PHRF1: variants seen among roughly 807,000 people sequenced by gnomAD.
PHRF1 encodes PHD and ring finger domains 1, also known as PHD and RING finger domain-containing protein 1.
Under a neutral mutation model 128.9 loss-of-function variants are expected in PHRF1, and 53 were observed. The ratio of observed to expected loss-of-function variants is 0.41; its 90% CI spans 0.33 to 0.52. PHRF1 has a LOEUF of 0.52. Ranked by LOEUF, PHRF1 falls within the 20% of genes least tolerant of loss-of-function variation. The pLI is 0.21. For synonymous variants in PHRF1, 1,178 were observed against 980.6 expected (o/e 1.20, Z -3.76); for missense variants, 2,503 against 2,284.5 (o/e 1.10, Z -1.95).
rs564941253 is a variant in PHRF1, at chr11:609,701, C to T, written c.4245C>T (p.Pro1415=). ...WNLQESESSA[P]AEDRAPRAPL... is the part of the protein sequence containing the mutation. ...TGCAGGAGTCGGAGAGCAGCGCCCCCGCCGAGGACAGAGCCCCCCGTGAGT... is the reference window on the plus strand; with the variant it reads ...TGCAGGAGTCGGAGAGCAGCGCCCCTGCCGAGGACAGAGCCCCCCGTGAGT... The change falls in exon 14 of 18, where the codon CCC becomes CCT. Residue 1415 remains proline (P), a synonymous_variant. Transcript: ENST00000264555. 64 of 1,503,878 alleles carry T rather than the reference C, an allele frequency of 4.3e-5. No individual in the cohort carries two copies. Among genetic ancestry groups the T allele is most frequent in the African/African-American group, 2.9e-4 (21 of 72,254 alleles). 93.2% of individuals were successfully genotyped at this position (1,503,878 alleles called of 1,614,324 possible).
intron 1 of PHRF1, among the ~76,000 whole-genome samples, chr11:577,312 C>T (rs996764729): frequency 2.0e-5 from 3 of 152,244 alleles, no homozygotes; most frequent in Non-Finnish European, 4.4e-5. Context: ...TTTGACGGGG[C>T]TTGTGTTGCC....
rs1441589498 is a variant in PHRF1 at position 611,901 on chromosome 11, G to A, written c.*124G>A. 3 of 1,427,008 alleles carry A rather than the reference G, an allele frequency of 2.1e-6. No individual in the cohort carries two copies. Among genetic ancestry groups the A allele is most frequent in the Non-Finnish European group, 2.8e-6 (3 of 1,077,662 alleles). The allele number at this position is 1,427,008 out of a possible 1,614,324, so 88.4% of individuals were successfully genotyped here. ...TGCCCGGGGAGCTGTCGGGAGTGGC[G>A]GGAAATGGGGGGCATCACCATGCCT... On this transcript the variant is annotated 3_prime_UTR_variant, in exon 18 of 18. Coordinates refer to ENST00000264555, the MANE Select transcript of PHRF1 (RefSeq NM_001286581.2).
chr11:602,586 A>G (rs1855688725), intron 10 of PHRF1, among the ~76,000 whole-genome samples: 1 of 151,754 alleles, frequency 6.6e-6, no homozygotes, highest in Non-Finnish European at 1.5e-5. Flanking sequence ...AGGCTGAGGC[A>G]GGAGAATCAC....
At chr11:599,710 C>T (rs1037347853) in intron 9 of PHRF1, among the ~76,000 whole-genome samples, 1 of 152,136 alleles carries the variant, frequency 6.6e-6, no homozygotes, top group Non-Finnish European at 1.5e-5. Flanking sequence ...CACTGTGTGT[C>T]GGTCGTGCTG....
intron 13 of PHRF1, 76 bp downstream of exon 13, chr11:606,672 T>G: frequency 6.7e-7 from 1 of 1,494,850 alleles, no homozygotes; most frequent in Non-Finnish European, 8.9e-7. Context: ...ACTCAGCCCA[T>G]GTCTCAGTCA....
At chr11:610,438 C>G in intron 15 of PHRF1, 63 bp from the exon 16 acceptor site, 2 of 1,557,812 alleles carry the variant, frequency 1.3e-6, no homozygotes, top group South Asian at 1.2e-5. Flanking sequence ...TGAGGCCTCA[C>G]AGCTCCTGGG....
chr11:593,221 C>T (rs904203149), intron 6 of PHRF1, among the ~76,000 whole-genome samples: 7 of 152,242 alleles, frequency 4.6e-5, no homozygotes, highest in Non-Finnish European at 8.8e-5. Context: ...AAGCAGATGC[C>T]CCCTTCCCCG....
chr11:587,372 A>G lies in PHRF1; in HGVS notation c.328A>G (p.Ile110Val), dbSNP rs151190592. 639 of 1,613,870 alleles carry G rather than the reference A, an allele frequency of 4.0e-4. 8 individuals are homozygous for G. In the East Asian group the frequency reaches 0.011, roughly 28 times the overall value. The change falls in exon 4 of 18, where the codon ATC becomes GTC. Residue 110 changes from isoleucine (I) to valine (V), a missense_variant. Ile to Val is a conservative substitution (Grantham distance 29). Coordinates refer to ENST00000264555, the MANE Select transcript of PHRF1 (RefSeq NM_001286581.2). ...NSDDDAESCP[I>V]CLNAFRDQAV... ...TGATGATGATGCAGAGAGCTGCCCAATCTGTCTCAACGCATTCAGAGACCA... is the reference window on the plus strand; with the variant it reads ...TGATGATGATGCAGAGAGCTGCCCAGTCTGTCTCAACGCATTCAGAGACCA...
intron 6 of PHRF1, among the ~76,000 whole-genome samples, chr11:594,302 G>A (rs938190347): frequency 3.9e-5 from 6 of 152,242 alleles, no homozygotes; most frequent in Non-Finnish European, 5.9e-5. Flanking sequence ...CACAGGCACC[G>A]TCTTGGGCAA....
At chr11:583,200 G>A (rs1480330162) in intron 3 of PHRF1, among the ~76,000 whole-genome samples, 2 of 151,878 alleles carry the variant, frequency 1.3e-5, no homozygotes, top group Admixed American at 6.6e-5. Flanking sequence ...TTAGCCAGTC[G>A]TGTTGGCACG....
chr11:612,071 G>A lies in PHRF1; in HGVS notation c.*294G>A. On this transcript the variant is annotated 3_prime_UTR_variant, in exon 18 of 18. Transcript: ENST00000264555. ...GATTATCTTTAGAAACCTCTTGATT[G>A]ACTTACTACTTGGAAGATAAAGCAC... is the stretch of plus-strand genomic sequence containing the variant. The A allele has an allele frequency of 2.2e-6, 1 of 449,230 alleles. No individual in the cohort carries two copies. Among genetic ancestry groups the A allele is most frequent in the Admixed American group, 4.0e-5 (1 of 25,216 alleles). The allele number at this position is 449,230 out of a possible 1,614,324, so 27.8% of individuals were successfully genotyped here.
Position 606,843 on chromosome 11 carries a change from TTAATA to T in PHRF1, c.1610-221_1610-217del, listed in dbSNP as rs1364310779. ...GATGGGGTACTGCCCCCGCCCCTGG[TTAATA>T]TCGTGTCCTGATGGCCTCAGGCACT... On this transcript the variant is annotated intron_variant, in intron 13 of 17. Coordinates refer to ENST00000264555, the MANE Select transcript of PHRF1 (RefSeq NM_001286581.2). 35 of 885,240 alleles carry T rather than the reference TTAATA, an allele frequency of 4.0e-5. No homozygotes were observed. The East Asian group carries it at 8.6e-4, about 22-fold the overall frequency. The allele number at this position is 885,240 out of a possible 1,614,324, so 54.8% of individuals were successfully genotyped here. A position where few individuals can be genotyped will look rare whatever the true frequency, so the allele number is the denominator to read the frequency against.
chr11:596,178 G>A (rs1055649294), intron 6 of PHRF1, among the ~76,000 whole-genome samples: 1 of 152,138 alleles, frequency 6.6e-6, no homozygotes, highest in African/African-American at 2.4e-5. Context: ...GATTGTTTTT[G>A]CCTTACTCAG....
chr11:579,368 C>T (rs1358137615), intron 1 of PHRF1, among the ~76,000 whole-genome samples: 1 of 152,202 alleles, frequency 6.6e-6, no homozygotes, highest in Non-Finnish European at 1.5e-5. Context: ...AGGGCAGGGA[C>T]TGCATTCGCC....
At position 611,828 on chromosome 11, in the gene PHRF1, TCGGGGCCA is replaced by T; in HGVS notation, c.*52_*59del. ...GGGGAGCTGTCGGGAGTGGCGGGAA[TCGGGGCCA>T]TGCCCGGGGAGCTGTCGGGAGTGGC... is the stretch of plus-strand genomic sequence containing the variant. On this transcript the variant is annotated 3_prime_UTR_variant, in exon 18 of 18. Coordinates refer to ENST00000264555, the MANE Select transcript of PHRF1 (RefSeq NM_001286581.2). The T allele has an allele frequency of 2.6e-6, 4 of 1,533,904 alleles. No homozygotes were observed. Among genetic ancestry groups the T allele is most frequent in the South Asian group, 2.4e-5 (2 of 84,170 alleles).
Position 592,741 on chromosome 11 carries a change from T to C in PHRF1, c.620+67T>C. 4 of 1,523,128 alleles carry C rather than the reference T, an allele frequency of 2.6e-6. No individual in the cohort carries two copies. In the South Asian group the frequency reaches 4.5e-5, roughly 17 times the overall value. 94.4% of individuals were successfully genotyped at this position (1,523,128 alleles called of 1,614,324 possible). A position where few individuals can be genotyped will look rare whatever the true frequency, so the allele number is the denominator to read the frequency against. The stretch of plus-strand genomic sequence containing the variant: ...CAAGGCGGGCCAGGCGCAGGAGGGA[T>C]GCAGAGCCTCTTCGCTCTGTGAAGT... On this transcript the variant is annotated intron_variant, in intron 6 of 17. Coordinates refer to ENST00000264555, the MANE Select transcript of PHRF1 (RefSeq NM_001286581.2).
rs1358758566 is a variant in PHRF1, at chr11:609,070, C to G, written c.3614C>G (p.Pro1205Arg). ...KGAVREASPA[P>R]LAQGEPGRED... ...GCTGTGAGGGAGGCTTCCCCAGCGCCCCTTGCACAGGGGGAGCCAGGGCGG... is the reference window on the plus strand; with the variant it reads ...GCTGTGAGGGAGGCTTCCCCAGCGCGCCTTGCACAGGGGGAGCCAGGGCGG... The change falls in exon 14 of 18, where the codon CCC becomes CGC. Residue 1205 changes from proline to arginine, a missense_variant. By Grantham distance (103) the Pro-to-Arg change is moderately radical. Transcript: ENST00000264555. 4.4e-5 allele frequency: 71 copies of G among 1,600,350 alleles called. No individual in the cohort carries two copies. The highest frequency in any genetic ancestry group is 6.0e-5 in the Non-Finnish European group (70 of 1,174,012).
At position 582,193 on chromosome 11, in the gene PHRF1, C is replaced by T. The variant is rs944120440; in HGVS notation, c.214+112C>T. 7 of 1,492,082 alleles carry T rather than the reference C, an allele frequency of 4.7e-6. No homozygotes were observed. The African/African-American group carries it at 1.0e-4, about 21-fold the overall frequency. 92.4% of individuals were successfully genotyped at this position (1,492,082 alleles called of 1,614,324 possible). ...GCTGTCACCACAGCTGGCCATGTCC[C>T]TGCGGTCACCTACGGTGAGGCCTTA... On this transcript the variant is annotated intron_variant, in intron 3 of 17. Coordinates refer to ENST00000264555, the MANE Select transcript of PHRF1 (RefSeq NM_001286581.2).
intron 10 of PHRF1, 140 bp from the exon 11 acceptor site, chr11:604,979 G>A (rs1205037422): frequency 1.2e-6 from 1 of 813,114 alleles, no homozygotes; most frequent in Non-Finnish European, 1.9e-6. Flanking sequence ...TCATGCCTGA[G>A]AAGCCCATTG....
Sources: gnomAD v4.1 joint callset for allele counts (sites outside exome capture counted in the v4.1 genomes callset) on GRCh38, gnomAD v4.1.1 for gene constraint, MANE v1.5 for transcripts, NCBI Gene and HGNC (gene_info 2026-07-23, HGNC 2026-07-21) for gene names.